GABBR2: variants seen among roughly 807,000 people sequenced by gnomAD.
GABBR2 encodes gamma-aminobutyric acid type B receptor subunit 2.
Under a neutral mutation model 105.6 loss-of-function variants are expected in GABBR2, and 23 were observed. The observed-to-expected ratio is 0.22, with a 90% CI of 0.16 to 0.31. The LOEUF is 0.31. Among genes scored for constraint, GABBR2 ranks in the 10% least tolerant of loss-of-function variants. The pLI is 1.00. For missense variants in GABBR2, 734 were observed against 1,245.5 expected (o/e 0.59, Z 6.18); for synonymous variants, 478 against 499.7 (o/e 0.96, Z 0.58).
intron 13 of GABBR2, among the ~76,000 whole-genome samples, chr9:98,338,547 A>T (rs1831155177): frequency 6.6e-6 from 1 of 152,228 alleles, no homozygotes; most frequent in Non-Finnish European, 1.5e-5. Flanking sequence ...GTCATTAGTT[A>T]TTTGATAGTC....
intron 1 of GABBR2, among the ~76,000 whole-genome samples, chr9:98,583,652 C>T (rs1410933382): frequency 6.6e-6 from 1 of 152,172 alleles, no homozygotes; most frequent in African/African-American, 2.4e-5. Context: ...GCTACTCACT[C>T]CAAGTTAATC....
chr9:98,607,997 A>G, intron 1 of GABBR2: 1 of 1,277,472 alleles, frequency 7.8e-7, no homozygotes. Context: ...ATTTGGAAGC[A>G]CAGCATAAAC....
At chr9:98,551,445 C>G (rs1181274683) in intron 2 of GABBR2, among the ~76,000 whole-genome samples, 1 of 152,076 alleles carries the variant, frequency 6.6e-6, no homozygotes, top group Non-Finnish European at 1.5e-5. Context: ...AACTTTCAGA[C>G]AGATTACCCA....
intron 1 of GABBR2, among the ~76,000 whole-genome samples, chr9:98,618,122 T>C (rs1829614016): frequency 6.6e-6 from 1 of 152,232 alleles, no homozygotes; most frequent in Non-Finnish European, 1.5e-5. Context: ...CAGAGGCCTG[T>C]GTCCCCATGG....
intron 1 of GABBR2, among the ~76,000 whole-genome samples, chr9:98,670,490 G>A (rs1168533255): frequency 2.6e-5 from 4 of 152,142 alleles, no homozygotes; most frequent in South Asian, 2.1e-4. Flanking sequence ...GTATATACCC[G>A]CAAGAATGGA....
intron 7 of GABBR2, among the ~76,000 whole-genome samples, chr9:98,411,643 C>G (rs543500521): frequency 6.6e-6 from 1 of 152,032 alleles, no homozygotes; most frequent in South Asian, 2.1e-4. Context: ...CTCACTGAAA[C>G]CTCGAGCTCC....
At position 98,318,165 on chromosome 9, in the gene GABBR2, G is replaced by A. The variant is rs1830751881; in HGVS notation, c.1894-6960C>T. ...CATGGCTTCTCACTCGATAATGTGA[G>A]CACAAAGTGCCTGGGGAGCTTGTTA... On this transcript the variant is annotated intron_variant, in intron 13 of 18. Coordinates refer to ENST00000259455, the MANE Select transcript of GABBR2 (RefSeq NM_005458.8). Among the ~76,000 whole-genome samples, 3 of 152,312 alleles carry A rather than the reference G, an allele frequency of 2.0e-5. No individual in the cohort carries two copies. The South Asian group carries it at 6.2e-4, about 32-fold the overall frequency.
intron 4 of GABBR2, among the ~76,000 whole-genome samples, chr9:98,495,192 C>G (rs1360404409): frequency 6.6e-6 from 1 of 152,244 alleles, no homozygotes; most frequent in Non-Finnish European, 1.5e-5. Flanking sequence ...CCCGCAGGCT[C>G]TGTATCTGCT....
At chr9:98,599,724 A>C (rs1222265017) in intron 1 of GABBR2, among the ~76,000 whole-genome samples, 1 of 152,192 alleles carries the variant, frequency 6.6e-6, no homozygotes, top group African/African-American at 2.4e-5. Flanking sequence ...CTTAGGTGTA[A>C]ACTCAGGACA....
chr9:98,302,294 A>G (rs977873954), intron 16 of GABBR2, among the ~76,000 whole-genome samples: 1 of 152,076 alleles, frequency 6.6e-6, no homozygotes, highest in African/African-American at 2.4e-5. Context: ...CCTCATGTGG[A>G]CTTTCTATCT....
At chr9:98,478,191 G>A (rs1045944292) in intron 5 of GABBR2, among the ~76,000 whole-genome samples, 7 of 152,236 alleles carry the variant, frequency 4.6e-5, no homozygotes, top group Non-Finnish European at 8.8e-5. Flanking sequence ...GCAACACGCT[G>A]TAAAGTTTCC....
intron 1 of GABBR2, among the ~76,000 whole-genome samples, chr9:98,648,116 T>TGTGTAGAGATAGATAG: frequency 1.8e-5 from 1 of 55,948 alleles, no homozygotes; most frequent in South Asian, 9.2e-4. Context: ...TGTGTGTGTG[T>TGTGTAGAGATAGATAG]ATAGATAGAT....
chr9:98,394,282 G>A, intron 8 of GABBR2, 27 bp from the exon 9 acceptor site: 1 of 1,532,634 alleles, frequency 6.5e-7, no homozygotes, highest in Non-Finnish European at 9.0e-7. Context: ...ACAGTGGCCA[G>A]TTAGACTGGG....
chr9:98,510,709 A>G (rs1378021108), intron 3 of GABBR2, among the ~76,000 whole-genome samples: 1 of 151,876 alleles, frequency 6.6e-6, no homozygotes, highest in African/African-American at 2.4e-5. Flanking sequence ...TCAATTCAAC[A>G]AGAAGAGCTA....
chr9:98,324,409 C>T (rs560408037), intron 13 of GABBR2, among the ~76,000 whole-genome samples: 144 of 152,124 alleles, frequency 9.5e-4, no homozygotes, highest in Non-Finnish European at 1.7e-3. Context: ...CCGGGTTCTC[C>T]TCTGAGAAAT....
intron 1 of GABBR2, among the ~76,000 whole-genome samples, chr9:98,582,265 G>A (rs1024008845): frequency 2.0e-5 from 3 of 152,214 alleles, no homozygotes; most frequent in Admixed American, 6.5e-5. Context: ...ATCAGAGATT[G>A]GAAGCATGAG....
rs10986637 is a variant in GABBR2 at position 98,538,626 on chromosome 9, A to G, written c.630+3247T>C. 3,870 of 983,192 alleles carry G rather than the reference A, an allele frequency of 3.9e-3. 8 individuals are homozygous for G. Among genetic ancestry groups the G allele is most frequent in the Non-Finnish European group, 4.4e-3 (3,649 of 827,908 alleles). 60.9% of individuals were successfully genotyped at this position (983,192 alleles called of 1,614,324 possible). The stretch of plus-strand genomic sequence containing the variant: ...GGCCCTCAGCCTTCTACCCGCTTCC[A>G]TAGTCCTAATGCCACAGTAATAAGC... On this transcript the variant is annotated intron_variant, in intron 3 of 18. Coordinates refer to ENST00000259455, the MANE Select transcript of GABBR2 (RefSeq NM_005458.8).
In GABBR2 at chr9:98,317,682, C is replaced by T. The variant is rs571511064; in HGVS notation, c.1894-6477G>A. ...TGTCCTACATTCATTCATTCGAAAT[C>T]GACTCCATGAGGATTTGTCATGTGC... On this transcript the variant is annotated intron_variant, in intron 13 of 18. Coordinates refer to ENST00000259455, the MANE Select transcript of GABBR2 (RefSeq NM_005458.8). Among the ~76,000 whole-genome samples, 6 of 152,268 alleles carry T rather than the reference C, an allele frequency of 3.9e-5. No homozygotes were observed. The East Asian group carries it at 7.7e-4, about 20-fold the overall frequency.
chr9:98,482,311 G>A (rs961238044), intron 4 of GABBR2, among the ~76,000 whole-genome samples: 6 of 152,142 alleles, frequency 3.9e-5, no homozygotes, highest in Non-Finnish European at 8.8e-5. Flanking sequence ...ATCATCTTTC[G>A]TTTGCAAGCA....
Sources: allele counts gnomAD v4.1 joint callset (sites outside exome capture counted in the v4.1 genomes callset), GRCh38; gene constraint gnomAD v4.1.1; transcripts MANE v1.5; gene names NCBI Gene and HGNC (gene_info 2026-07-23, HGNC 2026-07-21).